UNC5D: variants seen among roughly 807,000 people sequenced by gnomAD.
UNC5D encodes netrin receptor UNC5D.
Under a neutral mutation model 105.4 loss-of-function variants are expected in UNC5D, and 39 were observed. That is an observed-to-expected ratio of 0.37 (90% CI 0.29 to 0.48). The LOEUF is 0.48. Among genes scored for constraint, UNC5D ranks in the 20% least tolerant of loss-of-function variants. The pLI, the probability that UNC5D is intolerant of heterozygous loss-of-function variation, is 0.98. For missense variants in UNC5D, 991 were observed against 1,202.4 expected (o/e 0.82, Z 2.60); for synonymous variants, 452 against 450.4 (o/e 1.00, Z -0.04).
At chr8:35,537,553 C>G (rs951242951) in intron 1 of UNC5D, among the ~76,000 whole-genome samples, 1 of 152,042 alleles carries the variant, frequency 6.6e-6, no homozygotes, top group African/African-American at 2.4e-5. Flanking sequence ...TGGTGTCACA[C>G]ATCTGTAGTA....
At chr8:35,674,275 C>A (rs996094693) in intron 4 of UNC5D, among the ~76,000 whole-genome samples, 1 of 152,078 alleles carries the variant, frequency 6.6e-6, no homozygotes, top group African/African-American at 2.4e-5. Context: ...TTGCAAAGAG[C>A]CAACAGTCGT....
At position 35,599,518 on chromosome 8, in the gene UNC5D, A is replaced by G. The variant is rs150732954; in HGVS notation, c.570+3861A>G. ...AGCTTAAAAAATAAATTTAAAAAAC[A>G]TGCTTCTCACATCCAGGTGTTCAAT... On this transcript the variant is annotated intron_variant, in intron 4 of 16. Coordinates refer to ENST00000404895, the MANE Select transcript of UNC5D (RefSeq NM_080872.4). Among the ~76,000 whole-genome samples the G allele has an allele frequency of 3.2e-3, 495 of 152,310 alleles. 2 individuals are homozygous for G. Among genetic ancestry groups the G allele is most frequent in the African/African-American group, 0.011 (463 of 41,570 alleles).
chr8:35,587,578 C>A (rs569414301), intron 3 of UNC5D, among the ~76,000 whole-genome samples: 95 of 152,208 alleles, frequency 6.2e-4, no homozygotes, highest in South Asian at 6.2e-4. Flanking sequence ...CCCTCATGTG[C>A]AGATTCCCAT....
rs1363400532 is a variant in UNC5D, at chr8:35,755,630, T to C, written c.2164-3690T>C. On this transcript the variant is annotated intron_variant, in intron 13 of 16. Coordinates refer to ENST00000404895, the MANE Select transcript of UNC5D (RefSeq NM_080872.4). ...AGCTCAGTGAGGCACAAAGCACAAG[T>C]TTTTCCTGGCCACAGCTTCTAGAAC... Among the ~76,000 whole-genome samples the C allele has an allele frequency of 2.0e-5, 3 of 152,016 alleles. No homozygotes were observed. The East Asian group carries it at 5.8e-4, about 29-fold the overall frequency.
At chr8:35,323,188 CTTTT>C (rs67076001) in intron 1 of UNC5D, among the ~76,000 whole-genome samples, 2 of 125,926 alleles carry the variant, frequency 1.6e-5, no homozygotes, top group African/African-American at 6.4e-5. Context: ...TTTTCTTTTT[CTTTT>C]TTTTTTTTTT....
At chr8:35,361,488 T>C (rs1276727609) in intron 1 of UNC5D, among the ~76,000 whole-genome samples, 1 of 152,182 alleles carries the variant, frequency 6.6e-6, no homozygotes, top group African/African-American at 2.4e-5. Flanking sequence ...CTAAGTGTCT[T>C]ATCTCAGAGA....
intron 8 of UNC5D, among the ~76,000 whole-genome samples, chr8:35,713,575 C>T (rs950831680): frequency 6.6e-6 from 1 of 152,182 alleles, no homozygotes; most frequent in South Asian, 2.1e-4. Context: ...TAAAGCTACT[C>T]ATTTTTTATC....
chr8:35,403,578 T>C (rs889266476), intron 1 of UNC5D, among the ~76,000 whole-genome samples: 7 of 152,186 alleles, frequency 4.6e-5, no homozygotes, highest in Non-Finnish European at 1.0e-4. Flanking sequence ...CACATAACAA[T>C]TGAGCATCAT....
At chr8:35,713,834 T>C (rs1017586446) in intron 8 of UNC5D, among the ~76,000 whole-genome samples, 1 of 151,918 alleles carries the variant, frequency 6.6e-6, no homozygotes, top group African/African-American at 2.4e-5. Flanking sequence ...TTGAAAAAAA[T>C]AAGTAGTCAG....
intron 1 of UNC5D, among the ~76,000 whole-genome samples, chr8:35,286,079 T>C (rs2980382): frequency 0.82 from 124,120 of 151,520 alleles, 51,295 homozygotes; most frequent in East Asian, 1. Context: ...TAGGACTGAC[T>C]GTAGCCTTCT....
chr8:35,241,454 A>G (rs768054947), intron 1 of UNC5D, among the ~76,000 whole-genome samples: 52 of 152,204 alleles, frequency 3.4e-4, no homozygotes, highest in Admixed American at 8.5e-4. Flanking sequence ...ACACCACTTC[A>G]CTGAATTCAG....
At position 35,750,569 on chromosome 8, in the gene UNC5D, C is replaced by G. The variant is rs775948026; in HGVS notation, c.1936-13C>G. On this transcript the variant is annotated splice_polypyrimidine_tract_variant and intron_variant, in intron 12 of 16. Coordinates refer to ENST00000404895, the MANE Select transcript of UNC5D (RefSeq NM_080872.4). ...ATTTCCAAGTGAGAGAATAAACATACCTTTCCCAACAGGAAGTGATGTCAG... is the reference window on the plus strand; with the variant it reads ...ATTTCCAAGTGAGAGAATAAACATAGCTTTCCCAACAGGAAGTGATGTCAG... The G allele has an allele frequency of 6.2e-7, 1 of 1,612,588 alleles. No individual in the cohort carries two copies. Among genetic ancestry groups the G allele is most frequent in the African/African-American group, 1.3e-5 (1 of 74,756 alleles).
At chr8:35,527,774 C>T (rs1291330255) in intron 1 of UNC5D, among the ~76,000 whole-genome samples, 4 of 152,050 alleles carry the variant, frequency 2.6e-5, no homozygotes, top group African/African-American at 7.2e-5. Context: ...AACTCCTGAC[C>T]TCAGGTGATC....
intron 1 of UNC5D, among the ~76,000 whole-genome samples, chr8:35,508,474 G>T (rs1409795183): frequency 6.6e-6 from 1 of 152,194 alleles, no homozygotes; most frequent in African/African-American, 2.4e-5. Context: ...GAGAGACAAA[G>T]GCAGGGATCA....
At chr8:35,663,484 C>G (rs960886444) in intron 4 of UNC5D, among the ~76,000 whole-genome samples, 1 of 152,138 alleles carries the variant, frequency 6.6e-6, no homozygotes, top group Non-Finnish European at 1.5e-5. Flanking sequence ...TGTGAGTGTT[C>G]ATGTCCAGCT....
chr8:35,339,795 T>C (rs1811326866), intron 1 of UNC5D, among the ~76,000 whole-genome samples: 4 of 152,298 alleles, frequency 2.6e-5, no homozygotes, highest in Middle Eastern at 3.4e-3. Flanking sequence ...TGGTGGACTA[T>C]TGTTCTAAAG....
intron 1 of UNC5D, among the ~76,000 whole-genome samples, chr8:35,415,571 G>A (rs1353522587): frequency 6.6e-6 from 1 of 151,922 alleles, no homozygotes; most frequent in East Asian, 1.9e-4. Context: ...TTTCATCAAG[G>A]TAGCTCTATA....
chr8:35,715,649 A>T (rs1018149900), intron 8 of UNC5D, among the ~76,000 whole-genome samples: 1 of 152,128 alleles, frequency 6.6e-6, no homozygotes, highest in African/African-American at 2.4e-5. Flanking sequence ...TGAGGGAAGG[A>T]TTTGGGGAGA....
intron 16 of UNC5D, among the ~76,000 whole-genome samples, chr8:35,782,679 A>T (rs1158026804): frequency 6.6e-6 from 1 of 151,794 alleles, no homozygotes; most frequent in African/African-American, 2.4e-5. Context: ...AATTCTTTGT[A>T]TTTTTAGTAG....
Sources: gnomAD v4.1 joint callset for allele counts (sites outside exome capture counted in the v4.1 genomes callset) on GRCh38, gnomAD v4.1.1 for gene constraint, MANE v1.5 for transcripts, NCBI Gene and HGNC (gene_info 2026-07-23, HGNC 2026-07-21) for gene names.